KIAA0825: variants seen among roughly 807,000 people sequenced by gnomAD.
KIAA0825 encodes uncharacterized protein KIAA0825.
In KIAA0825, 119 loss-of-function variants were observed where a neutral mutation model predicts 147.6. That is an observed-to-expected ratio of 0.81 (90% CI 0.69 to 0.94). The LOEUF is 0.94. KIAA0825 is among the 40% of genes least tolerant of loss of function. The probability of loss-of-function intolerance (pLI) is 0.00; values close to 1 mark genes in which losing one functional copy is unlikely to be tolerated. For synonymous variants in KIAA0825, 470 were observed against 518.1 expected (o/e 0.91, Z 1.26); for missense variants, 1,381 against 1,472.7 (o/e 0.94, Z 1.02).
rs1450541680 is a variant in KIAA0825 at position 94,384,379 on chromosome 5, C to A, written c.3699G>T (p.Leu1233=). The change falls in exon 20 of 21, where the codon CTG becomes CTT. Residue 1233 remains leucine, a synonymous_variant. Transcript: ENST00000682413. ...LRLDKMTFSV[L]LKNRWEMKKD... ...CCCAATTTTATTACCTGTTTTTGAG[C>A]AGCACACTGAAGGTCATCTTATCCA... The A allele has an allele frequency of 1.3e-6, 2 of 1,551,636 alleles. No individual in the cohort carries two copies. Among genetic ancestry groups the A allele is most frequent in the African/African-American group, 1.4e-5 (1 of 73,028 alleles).
In KIAA0825 at chr5:94,464,890, C is replaced by T. The variant is rs145267585; in HGVS notation, c.2042G>A (p.Arg681His). Residue 681 changes from arginine to histidine, a missense_variant, in exon 11 of 21, where the codon CGT (arginine) becomes CAT (histidine). By Grantham distance (29) the Arg-to-His change is conservative (BLOSUM62 0). Transcript: ENST00000682413. ...ASRYARAHPS[R>H]KRTPQLRLDV... is the part of the protein sequence containing the mutation. The stretch of plus-strand genomic sequence containing the variant: ...TTACCTTAACTGTGGAGTTCTTTTA[C>T]GGCTGGGGTGGGCCCGAGCGTATCT... 180 of 1,550,870 alleles carry T rather than the reference C, an allele frequency of 1.2e-4. No individual in the cohort carries two copies. The East Asian group carries it at 1.5e-3, about 13-fold the overall frequency.
intron 20 of KIAA0825, among the ~76,000 whole-genome samples, chr5:94,241,675 G>A (rs1775352922): frequency 6.6e-6 from 1 of 152,106 alleles, no homozygotes; most frequent in Non-Finnish European, 1.5e-5. Context: ...TACATTTGGG[G>A]AGTTTCAAAG....
At chr5:94,210,318 G>A (rs775830484) in intron 20 of KIAA0825, among the ~76,000 whole-genome samples, 3 of 152,150 alleles carry the variant, frequency 2.0e-5, no homozygotes, top group Non-Finnish European at 4.4e-5. Flanking sequence ...ATTAGCAACT[G>A]CTTCATTCAA....
chr5:94,268,731 C>T (rs1469150364), intron 20 of KIAA0825, among the ~76,000 whole-genome samples: 1 of 152,148 alleles, frequency 6.6e-6, no homozygotes, highest in Admixed American at 6.5e-5. Flanking sequence ...AAATGTGTTA[C>T]TCTGATGGAT....
intron 16 of KIAA0825, among the ~76,000 whole-genome samples, chr5:94,397,802 C>T (rs1405040205): frequency 6.6e-6 from 1 of 152,126 alleles, no homozygotes; most frequent in African/African-American, 2.4e-5. Context: ...TATATGATTC[C>T]AGAATCTTAA....
At chr5:94,612,206 T>C (rs764297861) in intron 1 of KIAA0825, among the ~76,000 whole-genome samples, 9 of 152,226 alleles carry the variant, frequency 5.9e-5, no homozygotes, top group Non-Finnish European at 1.3e-4. Flanking sequence ...GTAGGGATTA[T>C]ACTTTTCTTG....
chr5:94,245,370 T>C lies in KIAA0825; in HGVS notation c.3711-91246A>G, dbSNP rs565731329. On this transcript the variant is annotated intron_variant, in intron 20 of 20. Transcript: ENST00000682413. ...GTTCTGGTTGTGTATATCCAGACTT[T>C]GGTTGAGAAATGAGAGATGAATGGT... Among the ~76,000 whole-genome samples the C allele has an allele frequency of 2.6e-5, 4 of 152,256 alleles. No individual in the cohort carries two copies. The South Asian group carries it at 6.2e-4, about 24-fold the overall frequency.
At chr5:94,537,647 C>CAAAA (rs1162517096) in intron 2 of KIAA0825, among the ~76,000 whole-genome samples, 2 of 67,950 alleles carry the variant, frequency 2.9e-5, no homozygotes, top group Non-Finnish European at 6.3e-5. Context: ...GACTCTGTCT[C>CAAAA]AAAAAAAAAA....
chr5:94,337,299 A>G (rs1416243746), intron 20 of KIAA0825, among the ~76,000 whole-genome samples: 1 of 152,214 alleles, frequency 6.6e-6, no homozygotes, highest in Non-Finnish European at 1.5e-5. Flanking sequence ...ATCTTATTTC[A>G]TGATTCTTGC....
intron 20 of KIAA0825, among the ~76,000 whole-genome samples, chr5:94,200,191 A>G (rs558769896): frequency 6.6e-6 from 1 of 152,086 alleles, no homozygotes; most frequent in African/African-American, 2.4e-5. Flanking sequence ...TGCCAACTCA[A>G]ATGTCTGTGT....
chr5:94,244,389 G>T (rs1049710494), intron 20 of KIAA0825, among the ~76,000 whole-genome samples: 5 of 152,138 alleles, frequency 3.3e-5, no homozygotes, highest in Non-Finnish European at 7.3e-5. Context: ...CTGGAGTACA[G>T]TGCCATGATC....
chr5:94,386,340 G>A lies in KIAA0825; in HGVS notation c.3521C>T (p.Pro1174Leu), dbSNP rs1259107653. ...SSEEKPLPIR[P>L]LKTTLRSIED... ...TATACTCCTCAAGGTCGTCTTTAAA[G>A]GTCGGATGGGTAATGGCTTTTCCTC... The change falls in exon 19 of 21, where the codon CCT (proline) becomes CTT (leucine). Residue 1174 changes from proline (P) to leucine (L), a missense_variant. Pro to Leu is a moderately conservative substitution (Grantham distance 98). Coordinates refer to ENST00000682413, the MANE Select transcript of KIAA0825 (RefSeq NM_001145678.3). 6.4e-7 allele frequency: 1 copy of A among 1,551,646 alleles called. No individual in the cohort carries two copies. The highest frequency in any genetic ancestry group is 8.7e-7 in the Non-Finnish European group (1 of 1,146,840).
At chr5:94,571,823 T>G (rs1780017677) in intron 2 of KIAA0825, among the ~76,000 whole-genome samples, 1 of 152,210 alleles carries the variant, frequency 6.6e-6, no homozygotes, top group African/African-American at 2.4e-5. Flanking sequence ...TATTTTGTTT[T>G]GTTATCACTG....
At position 94,457,963 on chromosome 5, in the gene KIAA0825, A is replaced by G. The variant is rs564974495; in HGVS notation, c.2246+4424T>C. 4.6e-5 allele frequency among the ~76,000 whole-genome samples: 7 copies of G among 152,316 alleles called. No homozygotes were observed. In the South Asian group the frequency reaches 1.4e-3, roughly 32 times the overall value. ...GGTGCCTGGGCCATTGGAGGTGTTCAGTAAATAATACCAAGAGAAGACCAC... is the reference window on the plus strand; with the variant it reads ...GGTGCCTGGGCCATTGGAGGTGTTCGGTAAATAATACCAAGAGAAGACCAC... On this transcript the variant is annotated intron_variant, in intron 12 of 20. Transcript: ENST00000682413.
chr5:94,418,473 C>T (rs928635471), intron 14 of KIAA0825, among the ~76,000 whole-genome samples: 7 of 151,728 alleles, frequency 4.6e-5, no homozygotes, highest in African/African-American at 1.5e-4. Flanking sequence ...AACCCTCCCC[C>T]ACCCCTGCCC....
chr5:94,409,165 T>C (rs1037319862), intron 15 of KIAA0825, among the ~76,000 whole-genome samples: 9 of 152,228 alleles, frequency 5.9e-5, no homozygotes, highest in African/African-American at 2.2e-4. Flanking sequence ...TATTTTATTA[T>C]GTGTCTAGTG....
intron 20 of KIAA0825, among the ~76,000 whole-genome samples, chr5:94,277,218 GGT>G (rs1777263386): frequency 6.6e-6 from 1 of 152,054 alleles, no homozygotes; most frequent in Non-Finnish European, 1.5e-5. Flanking sequence ...GAGATAATAA[GGT>G]ACAGTTACTA....
chr5:94,525,263 C>T (rs988391589), intron 3 of KIAA0825, among the ~76,000 whole-genome samples: 2 of 151,800 alleles, frequency 1.3e-5, no homozygotes, highest in Non-Finnish European at 2.9e-5. Flanking sequence ...AAACCAAGCG[C>T]TCATTATTAA....
chr5:94,579,540 C>T (rs948608689), intron 2 of KIAA0825, among the ~76,000 whole-genome samples: 3 of 152,180 alleles, frequency 2.0e-5, no homozygotes, highest in Non-Finnish European at 4.4e-5. Context: ...AAGAACATCA[C>T]CGTACAATGA....
Sources: gnomAD v4.1 joint callset for allele counts (sites outside exome capture counted in the v4.1 genomes callset) on GRCh38, gnomAD v4.1.1 for gene constraint, MANE v1.5 for transcripts, NCBI Gene and HGNC (gene_info 2026-07-23, HGNC 2026-07-21) for gene names.